MYO5B: variants seen among roughly 807,000 people sequenced by gnomAD.
MYO5B encodes unconventional myosin-Vb.
MYO5B carries 143 observed loss-of-function variants against 229.3 expected under a neutral mutation model. That is an observed-to-expected ratio of 0.62 (90% confidence interval 0.54 to 0.72). The LOEUF (loss-of-function observed/expected upper bound fraction) is 0.72, where lower values mean the gene tolerates loss of function less well. Among genes scored for constraint, MYO5B ranks in the 30% least tolerant of loss-of-function variants. The probability of loss-of-function intolerance (pLI) is 0.00; values close to 1 mark genes in which losing one functional copy is unlikely to be tolerated. For synonymous variants in MYO5B, 918 were observed against 885.2 expected (o/e 1.04, Z -0.66); for missense variants, 2,321 against 2,331.0 (o/e 1.00, Z 0.09).
intron 35 of MYO5B, among the ~76,000 whole-genome samples, chr18:49,841,152 C>T (rs1221129197): frequency 6.6e-6 from 1 of 152,104 alleles, no homozygotes; most frequent in African/African-American, 2.4e-5. Flanking sequence ...CTTTTTGGGG[C>T]CCCTTGGGCT....
In MYO5B at chr18:49,969,933, T is replaced by C. The variant is rs1012517546; in HGVS notation, c.1322+4417A>G. On this transcript the variant is annotated intron_variant, in intron 10 of 39. Transcript: ENST00000285039. ...CCAGGCCAACTGTCCTCCGCAAGAA[T>C]GGGCTGGCCATAGCCAAAGCCCTCT... The C allele has an allele frequency of 2.6e-5, 4 of 152,226 alleles. 1 individual carries two copies. Among genetic ancestry groups the C allele is most frequent in the Admixed American group, 2.6e-4 (4 of 15,284 alleles). 9.4% of individuals were successfully genotyped at this position (152,226 alleles called of 1,614,324 possible). A position where few individuals can be genotyped will look rare whatever the true frequency, so the allele number is the denominator to read the frequency against.
chr18:50,162,775 T>TA, intron 1 of MYO5B, among the ~76,000 whole-genome samples: 1 of 152,200 alleles, frequency 6.6e-6, no homozygotes, highest in African/African-American at 2.4e-5. Flanking sequence ...GGCAGCACCA[T>TA]CTGCAACCCA....
intron 31 of MYO5B, among the ~76,000 whole-genome samples, chr18:49,852,155 C>T (rs564483132): frequency 7.2e-5 from 11 of 152,242 alleles, no homozygotes; most frequent in Non-Finnish European, 1.3e-4. Context: ...ACTAACTCTC[C>T]TAAGTGTGGC....
Position 49,847,282 on chromosome 18 carries a change from C to T in MYO5B, c.4323G>A (p.Gln1441=). The T allele has an allele frequency of 6.2e-7, 1 of 1,613,432 alleles. No homozygotes were observed. Among genetic ancestry groups the T allele is most frequent in the South Asian group, 1.1e-5 (1 of 91,026 alleles). ...GCTTCCTCTCACTCTGGGCCAATGCCTGGGCAGCTGAGCAGGAAAGAAAAC... is the reference window on the plus strand; with the variant it reads ...GCTTCCTCTCACTCTGGGCCAATGCTTGGGCAGCTGAGCAGGAAAGAAAAC... ...MKKAQDLEAA[Q]ALAQSERKRH... is the part of the protein sequence containing the mutation. The change falls in exon 33 of 40, where the codon CAG becomes CAA. Residue 1441 remains glutamine (Q), a synonymous_variant. Coordinates refer to ENST00000285039, the MANE Select transcript of MYO5B (RefSeq NM_001080467.3).
chr18:49,879,219 C>A (rs1379903967), intron 23 of MYO5B, 129 bp from the exon 24 acceptor site: 1 of 1,091,062 alleles, frequency 9.2e-7, no homozygotes, highest in South Asian at 1.3e-5. Context: ...CTTGATGAAT[C>A]TATTACGCTC....
intron 21 of MYO5B, among the ~76,000 whole-genome samples, chr18:49,901,889 C>T (rs2024845671): frequency 6.6e-6 from 1 of 152,140 alleles, no homozygotes; most frequent in South Asian, 2.1e-4. Context: ...TAATACTTGC[C>T]GTAGGAGGGC....
At chr18:49,910,494 C>T (rs769495255) in intron 18 of MYO5B, among the ~76,000 whole-genome samples, 9 of 151,578 alleles carry the variant, frequency 5.9e-5, no homozygotes, top group Non-Finnish European at 1.3e-4. Context: ...TGGACCACAG[C>T]AAAAACCTCA....
chr18:49,896,693 GC>G (rs2024782900), intron 21 of MYO5B, among the ~76,000 whole-genome samples: 1 of 152,170 alleles, frequency 6.6e-6, no homozygotes. Flanking sequence ...ATCCTATCCT[GC>G]TATTGACAAA....
chr18:50,135,176 C>T (rs2032316773), intron 1 of MYO5B, among the ~76,000 whole-genome samples: 1 of 152,158 alleles, frequency 6.6e-6, no homozygotes, highest in African/African-American at 2.4e-5. Context: ...TTCCTGAGAC[C>T]ATCTCCCACT....
In MYO5B at chr18:49,871,619, C is replaced by T. The variant is rs140544302; in HGVS notation, c.3603+548G>A. On this transcript the variant is annotated intron_variant, in intron 27 of 39. Coordinates refer to ENST00000285039, the MANE Select transcript of MYO5B (RefSeq NM_001080467.3). Reference sequence around the variant, plus strand: ...ATAGAACAAGGAGTTCGATCTGTAACAGACTGTGAACAGTCCATTGAAATA... The same window carrying T: ...ATAGAACAAGGAGTTCGATCTGTAATAGACTGTGAACAGTCCATTGAAATA... The T allele has an allele frequency of 1.5e-4, 27 of 176,270 alleles. No homozygotes were observed. The East Asian group carries it at 3.2e-3, about 21-fold the overall frequency. 10.9% of individuals were successfully genotyped at this position (176,270 alleles called of 1,614,324 possible).
At chr18:49,997,963 T>C (rs2026007972) in intron 5 of MYO5B, among the ~76,000 whole-genome samples, 1 of 152,208 alleles carries the variant, frequency 6.6e-6, no homozygotes, top group African/African-American at 2.4e-5. Flanking sequence ...GATTAAGACA[T>C]GCTCTGTGCT....
rs1398773758 is a variant in MYO5B at position 50,001,110 on chromosome 18, G to A, written c.612+145C>T. The stretch of plus-strand genomic sequence containing the variant: ...CAGGTCAACATCCATGGTTTTAGAG[G>A]CAGCTTGGTAACTTTTCCTCCACAG... On this transcript the variant is annotated intron_variant, in intron 5 of 39. Transcript: ENST00000285039. 4 of 1,020,676 alleles carry A rather than the reference G, an allele frequency of 3.9e-6. No individual in the cohort carries two copies. In the Admixed American group the frequency reaches 7.0e-5, roughly 18 times the overall value. The allele number at this position is 1,020,676 out of a possible 1,614,324, so 63.2% of individuals were successfully genotyped here. A position where few individuals can be genotyped will look rare whatever the true frequency, so the allele number is the denominator to read the frequency against.
chr18:50,182,222 T>C (rs8094659), intron 1 of MYO5B, among the ~76,000 whole-genome samples: 75,416 of 152,022 alleles, frequency 0.5, 18,865 homozygotes, highest in Admixed American at 0.59. Flanking sequence ...AGAAAACAAC[T>C]CGATCTAGTT....
intron 1 of MYO5B, among the ~76,000 whole-genome samples, chr18:50,100,118 C>T (rs9949381): frequency 0.057 from 8,653 of 152,326 alleles, 289 homozygotes; most frequent in African/African-American, 0.091. Flanking sequence ...AAGTCACATG[C>T]ACATTGGTCC....
At chr18:49,941,930 C>T (rs2025318407) in intron 14 of MYO5B, among the ~76,000 whole-genome samples, 1 of 129,066 alleles carries the variant, frequency 7.7e-6, no homozygotes, top group African/African-American at 3.1e-5. Flanking sequence ...TCAAACTATA[C>T]TATAAGGCTA....
intron 12 of MYO5B, among the ~76,000 whole-genome samples, chr18:49,961,552 G>C (rs2025559393): frequency 6.6e-6 from 1 of 152,238 alleles, no homozygotes; most frequent in Non-Finnish European, 1.5e-5. Context: ...GCAATAGCAA[G>C]AATCATGTGG....
At chr18:49,918,813 A>T (rs2025045177) in intron 17 of MYO5B, among the ~76,000 whole-genome samples, 1 of 152,228 alleles carries the variant, frequency 6.6e-6, no homozygotes, top group African/African-American at 2.4e-5. Context: ...TTTTGAAGGA[A>T]CAAATCAGCA....
At chr18:49,961,190 A>C (rs1376798658) in intron 12 of MYO5B, among the ~76,000 whole-genome samples, 1 of 152,196 alleles carries the variant, frequency 6.6e-6, no homozygotes, top group Non-Finnish European at 1.5e-5. Context: ...AATGCTACTC[A>C]ATCTAGGGAC....
At chr18:50,157,485 C>A (rs2032699167) in intron 1 of MYO5B, among the ~76,000 whole-genome samples, 1 of 152,184 alleles carries the variant, frequency 6.6e-6, no homozygotes, top group East Asian at 1.9e-4. Context: ...ACAGTCCGAT[C>A]CCTTTGACCT....
Sources: gnomAD v4.1 joint callset for allele counts (sites outside exome capture counted in the v4.1 genomes callset) on GRCh38, gnomAD v4.1.1 for gene constraint, MANE v1.5 for transcripts, NCBI Gene and HGNC (gene_info 2026-07-23, HGNC 2026-07-21) for gene names.